The following SCYL2 variants were observed in gnomAD, a reference collection of about 807,000 sequenced individuals.
SCYL2 encodes the protein SCY1 like pseudokinase 2.
Under a neutral mutation model 100.4 loss-of-function variants are expected in SCYL2, and 36 were observed. The ratio of observed to expected loss-of-function variants is 0.36; its 90% CI spans 0.27 to 0.47. The LOEUF (loss-of-function observed/expected upper bound fraction) is 0.47, where lower values mean the gene tolerates loss of function less well. SCYL2 is among the 20% of genes least tolerant of loss of function. The pLI is 1.00. For missense variants in SCYL2, 902 were observed against 1,083.9 expected, an observed-to-expected ratio of 0.83 and a Z score of 2.36; for synonymous variants, 330 against 359.2, an observed-to-expected ratio of 0.92 and a Z score of 0.92.
intron 4 of SCYL2, among the ~76,000 whole-genome samples, chr12:100,307,244 T>C (rs1441299477): frequency 6.6e-6 from 1 of 152,162 alleles, no homozygotes; most frequent in Non-Finnish European, 1.5e-5. Context: ...CTTCAAACTA[T>C]ACTGTAAGGC....
Position 100,339,120 on chromosome 12 carries a change from C to A in SCYL2, c.2738C>A (p.Thr913Asn), listed in dbSNP as rs776664634. ...NPQNFAQPPT[T>N]MTNSSSASND... is the part of the protein sequence containing the mutation. ...CAGAACTTTGCACAGCCACCAACTA[C>A]TATGACCAATAGCAGTTCAGCTAGC... Residue 913 changes from threonine to asparagine, a missense_variant, in exon 18 of 18, where the codon ACT becomes AAT. By Grantham distance (65) the Thr-to-Asn change is moderately conservative (BLOSUM62 0). Coordinates refer to ENST00000360820, the MANE Select transcript of SCYL2 (RefSeq NM_017988.6). 1 of 1,614,034 alleles carries A rather than the reference C, an allele frequency of 6.2e-7. No individual in the cohort carries two copies. Among genetic ancestry groups the A allele is most frequent in the Non-Finnish European group, 8.5e-7 (1 of 1,179,942 alleles).
At chr12:100,272,928 AC>A (rs2096289067) in intron 1 of SCYL2, among the ~76,000 whole-genome samples, 2 of 152,142 alleles carry the variant, frequency 1.3e-5, no homozygotes, top group South Asian at 2.1e-4. Flanking sequence ...CCTTTGAAAT[AC>A]CTCCTTTACC....
At chr12:100,277,822 T>C (rs577081930) in intron 1 of SCYL2, among the ~76,000 whole-genome samples, 37 of 151,952 alleles carry the variant, frequency 2.4e-4, no homozygotes, top group Non-Finnish European at 5.0e-4. Flanking sequence ...TACTTTAGGG[T>C]TTTTTTTACT....
chr12:100,293,184 C>A (rs982497028), intron 3 of SCYL2, among the ~76,000 whole-genome samples: 2 of 149,830 alleles, frequency 1.3e-5, no homozygotes, highest in African/African-American at 4.9e-5. Context: ...CTTGGACTCC[C>A]GAGCTTGTGT....
intron 12 of SCYL2, chr12:100,327,060 T>C (rs1952139476): frequency 6.3e-6 from 2 of 318,370 alleles, no homozygotes; most frequent in Non-Finnish European, 1.2e-5. Flanking sequence ...ATACTGGTCT[T>C]AGTAGTAATA....
chr12:100,271,761 A>G (rs1164344266), intron 1 of SCYL2, among the ~76,000 whole-genome samples: 3 of 151,924 alleles, frequency 2.0e-5, no homozygotes, highest in Non-Finnish European at 2.9e-5. Context: ...GCTTTATAAT[A>G]TTTTATTCTT....
In SCYL2 at chr12:100,338,645, G is replaced by C; in HGVS notation, c.2263G>C (p.Gly755Arg). 3.7e-6 allele frequency: 6 copies of C among 1,613,850 alleles called. No individual in the cohort carries two copies. The highest frequency in any genetic ancestry group is 4.2e-6 in the Non-Finnish European group (5 of 1,179,898). Reference sequence around the variant, plus strand: ...CACTTCTGTTCCTTCCATGGGCATTGGTATGATGTTTTCTACACCAACTGA... The same window carrying C: ...CACTTCTGTTCCTTCCATGGGCATTCGTATGATGTTTTCTACACCAACTGA... ...TFTSVPSMGI[G>R]MMFSTPTDNT... is the part of the protein sequence containing the mutation. The change falls in exon 18 of 18, where the codon GGT becomes CGT. Residue 755 changes from glycine to arginine, a missense_variant. Transcript: ENST00000360820.
intron 1 of SCYL2, among the ~76,000 whole-genome samples, chr12:100,269,804 A>G (rs2096285366): frequency 6.6e-6 from 1 of 152,134 alleles, no homozygotes. Flanking sequence ...CTTTCTCAGG[A>G]TACAGATATA....
chr12:100,318,044 T>C, intron 10 of SCYL2, 119 bp downstream of exon 10: 2 of 888,670 alleles, frequency 2.3e-6, no homozygotes, highest in South Asian at 5.4e-5. Flanking sequence ...TAAATATATT[T>C]ATCTTTTGAA....
At chr12:100,306,172 A>G (rs1482200881) in intron 4 of SCYL2, among the ~76,000 whole-genome samples, 2 of 152,172 alleles carry the variant, frequency 1.3e-5, no homozygotes, top group Non-Finnish European at 2.9e-5. Context: ...CATCATCCTG[A>G]TACCAAAACC....
intron 2 of SCYL2, among the ~76,000 whole-genome samples, chr12:100,287,721 C>T (rs891580940): frequency 3.9e-5 from 6 of 152,040 alleles, no homozygotes; most frequent in African/African-American, 1.4e-4. Flanking sequence ...CTCAATTTAA[C>T]TACAGTTAAC....
At chr12:100,318,350 A>G (rs1036120451) in intron 10 of SCYL2, among the ~76,000 whole-genome samples, 15 of 102,728 alleles carry the variant, frequency 1.5e-4, no homozygotes, top group Non-Finnish European at 2.0e-4. Flanking sequence ...TTTTTTTTTG[A>G]GACTGAGTCT....
chr12:100,295,498 C>T (rs1391777363), intron 3 of SCYL2, among the ~76,000 whole-genome samples: 2 of 152,096 alleles, frequency 1.3e-5, no homozygotes, highest in African/African-American at 4.8e-5. Context: ...GAGCTGGAGA[C>T]CGGCCAGGCC....
At chr12:100,307,649 C>T (rs1253967827) in intron 4 of SCYL2, among the ~76,000 whole-genome samples, 1 of 152,102 alleles carries the variant, frequency 6.6e-6, no homozygotes, top group African/African-American at 2.4e-5. Context: ...GAAGTGGGAT[C>T]TAATTAAACT....
At chr12:100,307,877 A>G (rs575907624) in intron 4 of SCYL2, among the ~76,000 whole-genome samples, 13 of 152,142 alleles carry the variant, frequency 8.5e-5, no homozygotes, top group African/African-American at 3.1e-4. Flanking sequence ...GCCAACAAAC[A>G]TATGAAAAAA....
In SCYL2 at chr12:100,274,955, A is replaced by T. The variant is rs188441667; in HGVS notation, c.-29+7163A>T. On this transcript the variant is annotated intron_variant, in intron 1 of 17. Transcript: ENST00000360820. ...GAAAGCCTGCTGGGATTCTGGTTGA[A>T]TTGCATTGAGTTTCTAGATTATTGG... 3.9e-4 allele frequency among the ~76,000 whole-genome samples: 59 copies of T among 152,314 alleles called. No homozygotes were observed. The East Asian group carries it at 0.01, about 26-fold the overall frequency.
intron 2 of SCYL2, among the ~76,000 whole-genome samples, chr12:100,291,263 C>T (rs963268174): frequency 6.6e-6 from 1 of 152,066 alleles, no homozygotes; most frequent in Non-Finnish European, 1.5e-5. Flanking sequence ...TAATATGTAC[C>T]TGTGATAGCA....
intron 16 of SCYL2, 140 bp downstream of exon 16, chr12:100,336,046 G>GT (rs1952273013): frequency 1.5e-6 from 1 of 660,370 alleles, no homozygotes; most frequent in Admixed American, 2.9e-5. Flanking sequence ...TCCTTTATCA[G>GT]TTAAACATGA....
chr12:100,323,152 G>A (rs1397579354), intron 10 of SCYL2, among the ~76,000 whole-genome samples: 1 of 151,952 alleles, frequency 6.6e-6, no homozygotes, highest in Non-Finnish European at 1.5e-5. Context: ...ATTTTTACAT[G>A]ATTTCATACT....
Sources: allele counts gnomAD v4.1 joint callset (sites outside exome capture counted in the v4.1 genomes callset), GRCh38; gene constraint gnomAD v4.1.1; transcripts MANE v1.5; gene names NCBI Gene and HGNC (gene_info 2026-07-23, HGNC 2026-07-21).